SLC1A4: variants seen among roughly 807,000 people sequenced by gnomAD.
The protein encoded by SLC1A4 is neutral amino acid transporter A.
A neutral mutation model predicts 37.7 loss-of-function variants in SLC1A4; 19 were observed. The ratio of observed to expected loss-of-function variants is 0.50; its 90% CI spans 0.35 to 0.74. The LOEUF is 0.74. SLC1A4 is among the 30% of genes least tolerant of loss of function. The pLI is 0.01. For missense variants in SLC1A4, 570 were observed against 712.9 expected (o/e 0.80, Z 2.28); for synonymous variants, 299 against 309.8 (o/e 0.97, Z 0.37).
At chr2:65,020,259 ATGTT>A (rs1343520042) in intron 7 of SLC1A4, among the ~76,000 whole-genome samples, 1 of 151,616 alleles carries the variant, frequency 6.6e-6, no homozygotes, top group East Asian at 1.9e-4. Context: ...TTATCCCAAT[ATGTT>A]TGTTTATTTG....
chr2:65,005,684 T>C (rs774041339), intron 3 of SLC1A4, among the ~76,000 whole-genome samples: 14 of 143,808 alleles, frequency 9.7e-5, no homozygotes, highest in Non-Finnish European at 1.9e-4. Flanking sequence ...CAAGGCCATT[T>C]TGACCAGTTT....
intron 2 of SLC1A4, among the ~76,000 whole-genome samples, chr2:65,002,280 A>AAAATAAATCAATAAATAAATAAAT (rs1673490285): frequency 6.9e-6 from 1 of 144,310 alleles, no homozygotes; most frequent in Non-Finnish European, 1.5e-5. Flanking sequence ...ACTCTATCTC[A>AAAATAAATCAATAAATAAATAAAT]AAATAAATAA....
At chr2:65,003,074 T>C (rs1428542226) in intron 2 of SLC1A4, among the ~76,000 whole-genome samples, 1 of 152,160 alleles carries the variant, frequency 6.6e-6, no homozygotes, top group Non-Finnish European at 1.5e-5. Flanking sequence ...TATAGGTATA[T>C]GGGGCTTTTT....
In SLC1A4 at chr2:65,018,339, C is replaced by G; in HGVS notation, c.1229+74C>G. ...GATTTCCTTTGAAAAACCAATCTCA[C>G]CACAACTTGGTGTCTCGCTCATAAA... On this transcript the variant is annotated intron_variant, in intron 6 of 7. Coordinates refer to ENST00000234256, the MANE Select transcript of SLC1A4 (RefSeq NM_003038.5). This position sits in a 1 kb window ranked among gnomAD's most constrained non-coding sequence, Gnocchi z 4.3. 2.0e-6 allele frequency: 3 copies of G among 1,500,560 alleles called. No homozygotes were observed. The highest frequency in any genetic ancestry group is 1.8e-6 in the Non-Finnish European group (2 of 1,095,528). 93.0% of individuals were successfully genotyped at this position (1,500,560 alleles called of 1,614,324 possible). A position where few individuals can be genotyped will look rare whatever the true frequency, so the allele number is the denominator to read the frequency against.
chr2:65,011,738 T>A (rs1037114986), intron 4 of SLC1A4, among the ~76,000 whole-genome samples: 5 of 152,198 alleles, frequency 3.3e-5, no homozygotes, highest in Admixed American at 2.6e-4. Context: ...TTTATCCTGC[T>A]GTTTTACCCA....
chr2:64,991,021 C>G (rs375732348), intron 1 of SLC1A4, among the ~76,000 whole-genome samples: 1 of 152,166 alleles, frequency 6.6e-6, no homozygotes, highest in Non-Finnish European at 1.5e-5. Context: ...AACTGCAGCC[C>G]GGAGGCATTT....
At chr2:65,001,578 G>T in intron 2 of SLC1A4, 88 bp downstream of exon 2, 3 of 1,223,748 alleles carry the variant, frequency 2.5e-6, no homozygotes, top group Non-Finnish European at 3.6e-6. Context: ...GGTAGAACAG[G>T]GAGAGATGGT....
At chr2:65,009,113 C>A (rs1225172607) in intron 3 of SLC1A4, among the ~76,000 whole-genome samples, 2 of 152,188 alleles carry the variant, frequency 1.3e-5, no homozygotes, top group Admixed American at 1.3e-4. Flanking sequence ...AAACTCAGCA[C>A]TTTGGAAGTG....
At chr2:65,014,914 A>G (rs1674066678) in intron 4 of SLC1A4, among the ~76,000 whole-genome samples, 3 of 152,270 alleles carry the variant, frequency 2.0e-5, no homozygotes, top group Admixed American at 2.0e-4. Flanking sequence ...CAATGAGGTA[A>G]AGGTGGAAAC....
chr2:65,020,305 G>A (rs114654167), intron 7 of SLC1A4, among the ~76,000 whole-genome samples: 4,049 of 152,238 alleles, frequency 0.027, 190 homozygotes, highest in African/African-American at 0.092. Flanking sequence ...CTTACTCTGT[G>A]GTCCAGGCTA....
intron 3 of SLC1A4, among the ~76,000 whole-genome samples, chr2:65,010,339 ACTTTAAC>A (rs1673865889): frequency 6.6e-6 from 1 of 152,172 alleles, no homozygotes; most frequent in Non-Finnish European, 1.5e-5. Flanking sequence ...ACTACCTTCC[ACTTTAAC>A]CTATGCCATT....
chr2:65,012,391 C>G (rs1047453403), intron 4 of SLC1A4, among the ~76,000 whole-genome samples: 1 of 152,152 alleles, frequency 6.6e-6, no homozygotes, highest in Non-Finnish European at 1.5e-5. Context: ...GCCCAGCCTA[C>G]TTAATTGTTA....
At chr2:65,017,495 TAAA>T (rs747628209) in intron 5 of SLC1A4, among the ~76,000 whole-genome samples, 3 of 129,884 alleles carry the variant, frequency 2.3e-5, no homozygotes, top group Admixed American at 7.8e-5. Flanking sequence ...GAGGTGGGAG[TAAA>T]AAAAAAAAAA....
intron 7 of SLC1A4, among the ~76,000 whole-genome samples, chr2:65,020,142 G>A (rs927588185): frequency 1.3e-5 from 2 of 152,224 alleles, no homozygotes; most frequent in Non-Finnish European, 2.9e-5. Flanking sequence ...CACATATGAA[G>A]ATTAACATCC....
chr2:65,019,691 G>A (rs147631062), intron 7 of SLC1A4, among the ~76,000 whole-genome samples: 9 of 152,168 alleles, frequency 5.9e-5, no homozygotes, highest in South Asian at 4.1e-4. Context: ...CCTGCATTGC[G>A]CAGACACCTC....
rs767423770 is a variant in SLC1A4, at chr2:65,023,319, ATG to A, written c.*2179_*2180del. On this transcript the variant is annotated 3_prime_UTR_variant, in exon 8 of 8. Transcript: ENST00000234256. ...CACACATATGTATATCTATACACACATGTGTGTTGTGTATATGCATGTGTGTG... is the reference window on the plus strand; with the variant it reads ...CACACATATGTATATCTATACACACATGTGTTGTGTATATGCATGTGTGTG... 5.3e-5 allele frequency: 8 copies of A among 151,316 alleles called. No homozygotes were observed. Among genetic ancestry groups the A allele is most frequent in the East Asian group, 2.0e-4 (1 of 5,124 alleles). The allele number at this position is 151,316 out of a possible 1,614,324, so 9.4% of individuals were successfully genotyped here.
chr2:64,997,380 A>G (rs905163448), intron 1 of SLC1A4, among the ~76,000 whole-genome samples: 27 of 152,222 alleles, frequency 1.8e-4, no homozygotes, highest in African/African-American at 6.3e-4. Flanking sequence ...GTCCAGTTCA[A>G]TGAGTTCTGA....
At position 64,989,823 on chromosome 2, in the gene SLC1A4, G is replaced by A; in HGVS notation, c.180G>A (p.Ala60=). 6.5e-7 allele frequency: 1 copy of A among 1,533,494 alleles called. No homozygotes were observed. The highest frequency in any genetic ancestry group is 1.2e-5 in the South Asian group (1 of 83,592). 95.0% of individuals were successfully genotyped at this position (1,533,494 alleles called of 1,614,324 possible). Residue 60 remains alanine (A), a synonymous_variant, in exon 1 of 8, where the codon GCG becomes GCA. Transcript: ENST00000234256. The part of the protein sequence containing the change: ...SGVLAGAGLG[A]ALRGLSLSRT... ...TGCTGGCGGGCGCGGGCCTGGGCGCGGCGTTGCGCGGGCTCAGCCTGAGCC... is the reference window on the plus strand; with the variant it reads ...TGCTGGCGGGCGCGGGCCTGGGCGCAGCGTTGCGCGGGCTCAGCCTGAGCC...
intron 4 of SLC1A4, among the ~76,000 whole-genome samples, chr2:65,014,597 C>G (rs1318560692): frequency 6.6e-6 from 1 of 152,176 alleles, no homozygotes; most frequent in Non-Finnish European, 1.5e-5. Context: ...ACAAAATCAT[C>G]CCTGGATAAG....
Sources: allele counts gnomAD v4.1 joint callset (sites outside exome capture counted in the v4.1 genomes callset), GRCh38; gene constraint gnomAD v4.1.1; non-coding constraint Gnocchi (gnomAD v3.1); transcripts MANE v1.5; gene names NCBI Gene and HGNC (gene_info 2026-07-23, HGNC 2026-07-21).